WDPCP: variants seen among roughly 807,000 people sequenced by gnomAD.
WDPCP encodes the protein WD repeat containing planar cell polarity effector, also known as WD repeat-containing and planar cell polarity effector protein fritz homolog.
Under a neutral mutation model 93.1 loss-of-function variants are expected in WDPCP, and 71 were observed. That is an observed-to-expected ratio of 0.76 (90% CI 0.63 to 0.93). The LOEUF (loss-of-function observed/expected upper bound fraction) is 0.93. Among genes scored for constraint, WDPCP ranks in the 40% least tolerant of loss-of-function variants. The probability of loss-of-function intolerance (pLI) is 0.00; values close to 1 mark genes in which losing one functional copy is unlikely to be tolerated. For synonymous variants in WDPCP, 315 were observed against 315.0 expected (o/e 1.00, Z 0.00); for missense variants, 844 against 887.4 (o/e 0.95, Z 0.62).
At chr2:63,429,769 C>T (rs1360275869) in intron 9 of WDPCP, among the ~76,000 whole-genome samples, 1 of 152,120 alleles carries the variant, frequency 6.6e-6, no homozygotes, top group East Asian at 1.9e-4. Context: ...CTGTGGAGTG[C>T]AGTCTGGAAA....
intron 1 of WDPCP, among the ~76,000 whole-genome samples, chr2:63,549,717 G>C (rs1705434609): frequency 1.3e-5 from 2 of 152,136 alleles, no homozygotes; most frequent in Non-Finnish European, 2.9e-5. Flanking sequence ...AGTCAGCTGA[G>C]ATCGAGCCAC....
At chr2:63,171,828 C>T (rs897124260) in intron 15 of WDPCP, among the ~76,000 whole-genome samples, 1 of 152,180 alleles carries the variant, frequency 6.6e-6, no homozygotes, top group South Asian at 2.1e-4. Context: ...AAATGTGGCA[C>T]ATCCATGTAA....
At position 63,404,571 on chromosome 2, in the gene WDPCP, G is replaced by C. The variant is rs749897540; in HGVS notation, c.912C>G (p.His304Gln). 6.2e-7 allele frequency: 1 copy of C among 1,613,896 alleles called. No homozygotes were observed. Among genetic ancestry groups the C allele is most frequent in the African/African-American group, 1.3e-5 (1 of 74,924 alleles). ...TGGGCTCTTTGTCTACACTTACGGA[G>C]TGCTCCACTGTGAACACCTGATAAG... ...KQPYQVFTVE[H>Q]SVSVDKEPMA... Residue 304 changes from histidine to glutamine, a missense_variant, in exon 10 of 18, where the codon CAC (histidine) becomes CAG (glutamine). Physicochemically the swap from His to Gln is conservative, Grantham distance 24. Transcript: ENST00000272321.
intron 2 of WDPCP, among the ~76,000 whole-genome samples, chr2:63,784,078 G>A (rs1242165039): frequency 6.6e-6 from 1 of 152,102 alleles, no homozygotes; most frequent in African/African-American, 2.4e-5. Flanking sequence ...ACTCCATGAG[G>A]GCAATGAGCA....
chr2:63,301,254 T>C (rs1189719203), intron 13 of WDPCP, among the ~76,000 whole-genome samples: 1 of 152,198 alleles, frequency 6.6e-6, no homozygotes, highest in Non-Finnish European at 1.5e-5. Flanking sequence ...TAAAATATCC[T>C]CCAAAGCCAA....
chr2:63,259,283 C>G, intron 14 of WDPCP, 24 bp downstream of exon 14: 1 of 1,585,906 alleles, frequency 6.3e-7, no homozygotes, highest in Middle Eastern at 1.7e-4. Context: ...ATAAAAAGCA[C>G]TTAAAAATAG....
At chr2:63,814,699 G>A (rs2104101676) in intron 1 of WDPCP, among the ~76,000 whole-genome samples, 1 of 152,278 alleles carries the variant, frequency 6.6e-6, no homozygotes, top group Non-Finnish European at 1.5e-5. Flanking sequence ...ATGCCTATTT[G>A]ATTTTAAATT....
chr2:63,206,748 T>A (rs973590559), intron 14 of WDPCP, among the ~76,000 whole-genome samples: 1 of 152,192 alleles, frequency 6.6e-6, no homozygotes, highest in Non-Finnish European at 1.5e-5. Context: ...TATTTTTATT[T>A]GTTTTGGGTT....
chr2:63,578,721 T>A (rs1402242118), intron 1 of WDPCP, among the ~76,000 whole-genome samples: 1 of 152,158 alleles, frequency 6.6e-6, no homozygotes, highest in Non-Finnish European at 1.5e-5. Context: ...AGCAGAAAGA[T>A]TTTAAAAATT....
intron 6 of WDPCP, among the ~76,000 whole-genome samples, chr2:63,445,752 C>G (rs1244149530): frequency 1.3e-5 from 2 of 152,080 alleles, no homozygotes; most frequent in Non-Finnish European, 2.9e-5. Flanking sequence ...TTTTAAAGAT[C>G]TAAAGAGTTA....
chr2:63,830,936 A>C (rs1359700763), upstream of WDPCP, among the ~76,000 whole-genome samples: 1 of 152,156 alleles, frequency 6.6e-6, no homozygotes, highest in Non-Finnish European at 1.5e-5. Flanking sequence ...GTTCCGACTC[A>C]CATCTTTAAA....
chr2:63,309,086 A>G (rs1198543592), intron 13 of WDPCP, among the ~76,000 whole-genome samples: 2 of 152,158 alleles, frequency 1.3e-5, no homozygotes, highest in Non-Finnish European at 2.9e-5. Context: ...AAAGATGGAA[A>G]TAACAGACAC....
At chr2:63,696,047 G>A (rs1668956261) in intron 2 of WDPCP, among the ~76,000 whole-genome samples, 1 of 152,128 alleles carries the variant, frequency 6.6e-6, no homozygotes, top group African/African-American at 2.4e-5. Flanking sequence ...AATTCTCTAG[G>A]AAGTGGTATT....
At chr2:63,156,457 C>A (rs868486877) in intron 15 of WDPCP, among the ~76,000 whole-genome samples, 6 of 151,762 alleles carry the variant, frequency 4.0e-5, no homozygotes, top group Non-Finnish European at 5.9e-5. Context: ...ACAATTGGGC[C>A]GGGAGCGGTG....
At chr2:63,832,907 G>A in the WDPCP span, among the ~76,000 whole-genome samples, 1 of 152,132 alleles carries the variant, frequency 6.6e-6, no homozygotes, top group African/African-American at 2.4e-5. Flanking sequence ...GCAATACAGG[G>A]AATAATCATT....
At chr2:63,429,295 A>G (rs1696545819) in intron 9 of WDPCP, among the ~76,000 whole-genome samples, 1 of 152,214 alleles carries the variant, frequency 6.6e-6, no homozygotes. Flanking sequence ...CAAAGAATTT[A>G]TGGTAAAGTC....
chr2:63,659,940 C>G (rs1280490869), intron 2 of WDPCP, among the ~76,000 whole-genome samples: 1 of 152,034 alleles, frequency 6.6e-6, no homozygotes, highest in African/African-American at 2.4e-5. Context: ...TTTTAATAAT[C>G]TTTGCAAAGA....
At chr2:63,314,528 T>A (rs1395081353) in intron 12 of WDPCP, among the ~76,000 whole-genome samples, 1 of 152,160 alleles carries the variant, frequency 6.6e-6, no homozygotes, top group Non-Finnish European at 1.5e-5. Flanking sequence ...TGGTCCCATC[T>A]AATTCTATAA....
At chr2:63,293,254 G>T (rs181792137) in intron 13 of WDPCP, among the ~76,000 whole-genome samples, 87 of 152,332 alleles carry the variant, frequency 5.7e-4, no homozygotes, top group Non-Finnish European at 9.7e-4. Context: ...GGGAAAATTA[G>T]AAAGTTACCA....
Sources: gnomAD v4.1 joint callset for allele counts (sites outside exome capture counted in the v4.1 genomes callset) on GRCh38, gnomAD v4.1.1 for gene constraint, MANE v1.5 for transcripts, NCBI Gene and HGNC (gene_info 2026-07-23, HGNC 2026-07-21) for gene names.